Variants in BAZ2B observed in about 807,000 individuals in gnomAD.
The protein encoded by BAZ2B is bromodomain adjacent to zinc finger domain 2B, also known as bromodomain adjacent to zinc finger domain protein 2B.
In BAZ2B, 91 loss-of-function variants were observed where a neutral mutation model predicts 246.0. That is an observed-to-expected ratio of 0.37 (90% CI 0.31 to 0.44). The LOEUF is 0.44. BAZ2B is among the 20% of genes least tolerant of loss of function. BAZ2B has a pLI of 1.00. For synonymous variants in BAZ2B, 855 were observed against 860.0 expected, an observed-to-expected ratio of 0.99 and a Z score of 0.10; for missense variants, 2,332 against 2,533.7, an observed-to-expected ratio of 0.92 and a Z score of 1.71.
At chr2:159,509,350 TTCAAAC>T (rs2082664567) in intron 2 of BAZ2B, among the ~76,000 whole-genome samples, 1 of 152,142 alleles carries the variant, frequency 6.6e-6, no homozygotes, top group South Asian at 2.1e-4. Context: ...GACTAAGAAA[TTCAAAC>T]TCAACGACCA....
chr2:159,438,481 G>T lies in BAZ2B; in HGVS notation c.1115C>A (p.Thr372Asn), dbSNP rs2072818121. The change falls in exon 8 of 37, where the codon ACC (threonine) becomes AAC (asparagine). Residue 372 changes from threonine (T) to asparagine (N), a missense_variant. Thr to Asn is a moderately conservative substitution (Grantham distance 65). Transcript: ENST00000392783. ...CAATCCCGTAGACTGTATTACACTG[G>T]TGTGTTTGTTCACAGATTCCTCCTT... ...QAKEESVNKH[T>N]SVIQSTGLVS... 1 of 1,614,016 alleles carries T rather than the reference G, an allele frequency of 6.2e-7. No homozygotes were observed. Among genetic ancestry groups the T allele is most frequent in the African/African-American group, 1.3e-5 (1 of 74,912 alleles).
chr2:159,473,439 CT>C (rs2078092695), intron 3 of BAZ2B, among the ~76,000 whole-genome samples: 1 of 152,128 alleles, frequency 6.6e-6, no homozygotes, highest in Non-Finnish European at 1.5e-5. Context: ...TTTATTGCAT[CT>C]ATTTGATTCT....
At chr2:159,537,130 T>C (rs971590529) in intron 2 of BAZ2B, among the ~76,000 whole-genome samples, 6 of 152,106 alleles carry the variant, frequency 3.9e-5, no homozygotes, top group Non-Finnish European at 5.9e-5. Flanking sequence ...TTCAAGGACA[T>C]GATACTAAGT....
intron 27 of BAZ2B, among the ~76,000 whole-genome samples, chr2:159,356,262 A>G (rs902059912): frequency 6.6e-6 from 1 of 152,212 alleles, no homozygotes; most frequent in Non-Finnish European, 1.5e-5. Flanking sequence ...CTGCAAGCAC[A>G]GCAGTCTGAA....
intron 18 of BAZ2B, among the ~76,000 whole-genome samples, chr2:159,397,737 C>A (rs1370586973): frequency 6.6e-6 from 1 of 152,158 alleles, no homozygotes; most frequent in African/African-American, 2.4e-5. Context: ...TCAGATATAA[C>A]CCACACATGT....
intron 1 of BAZ2B, among the ~76,000 whole-genome samples, chr2:159,567,324 T>C (rs955389454): frequency 1.3e-5 from 2 of 152,232 alleles, no homozygotes; most frequent in Admixed American, 6.5e-5. Context: ...TTCCTGTTCA[T>C]CAGTGCAGAG....
chr2:159,466,660 A>G (rs891483294), intron 3 of BAZ2B, among the ~76,000 whole-genome samples: 1 of 152,188 alleles, frequency 6.6e-6, no homozygotes, highest in Non-Finnish European at 1.5e-5. Context: ...ATTATATATG[A>G]TTTATTATAA....
chr2:159,457,643 G>A (rs62173207), intron 3 of BAZ2B, among the ~76,000 whole-genome samples: 11,255 of 152,188 alleles, frequency 0.074, 555 homozygotes, highest in Middle Eastern at 0.16. Context: ...TGATCACACA[G>A]AATCCTACCA....
At chr2:159,336,859 T>A (rs2287634) in intron 33 of BAZ2B, 83 bp downstream of exon 33, 340,528 of 1,184,004 alleles carry the variant, frequency 0.29, 54,483 homozygotes, top group East Asian at 0.65. Context: ...CAATAGGTAA[T>A]GTATAATTAA....
chr2:159,476,237 T>A (rs1322579833), intron 3 of BAZ2B, among the ~76,000 whole-genome samples: 1 of 152,036 alleles, frequency 6.6e-6, no homozygotes, highest in East Asian at 1.9e-4. Flanking sequence ...ATTTTAAACA[T>A]GGACTACAAC....
intron 1 of BAZ2B, among the ~76,000 whole-genome samples, chr2:159,603,194 A>C (rs1692585980): frequency 6.6e-6 from 1 of 152,262 alleles, no homozygotes; most frequent in Non-Finnish European, 1.5e-5. Flanking sequence ...TAAATTATGC[A>C]GTCTTTTAAA....
chr2:159,436,132 G>A (rs569488248), intron 8 of BAZ2B, among the ~76,000 whole-genome samples: 3 of 152,170 alleles, frequency 2.0e-5, no homozygotes, highest in African/African-American at 7.2e-5. Context: ...ACATAATTAT[G>A]TCATGTAATA....
At chr2:159,509,539 T>C (rs984535604) in intron 2 of BAZ2B, among the ~76,000 whole-genome samples, 3 of 152,198 alleles carry the variant, frequency 2.0e-5, no homozygotes, top group African/African-American at 7.2e-5. Flanking sequence ...GAAGCCAGTA[T>C]TCATTCAGCC....
chr2:159,692,373 G>T, the BAZ2B span, among the ~76,000 whole-genome samples: 1 of 152,038 alleles, frequency 6.6e-6, no homozygotes, highest in Non-Finnish European at 1.5e-5. Context: ...GGCCAGGCTG[G>T]TCTTGACCTC....
upstream of BAZ2B, among the ~76,000 whole-genome samples, chr2:159,617,332 C>T (rs2151848785): frequency 6.6e-6 from 1 of 152,212 alleles, no homozygotes; most frequent in Admixed American, 6.5e-5. Context: ...AACCCCAATT[C>T]CCAAATCCTG....
At chr2:159,601,537 A>G (rs1466026041) in intron 1 of BAZ2B, among the ~76,000 whole-genome samples, 2 of 152,182 alleles carry the variant, frequency 1.3e-5, no homozygotes, top group Non-Finnish European at 2.9e-5. Flanking sequence ...CCTGGCCAAC[A>G]TGCAGAAACC....
At chr2:159,487,385 G>T (rs2079958358) in intron 2 of BAZ2B, among the ~76,000 whole-genome samples, 1 of 152,090 alleles carries the variant, frequency 6.6e-6, no homozygotes, top group African/African-American at 2.4e-5. Context: ...TTTTTAAAAA[G>T]GTGGTAAACC....
the BAZ2B span, among the ~76,000 whole-genome samples, chr2:159,674,415 A>C: frequency 2.0e-5 from 3 of 151,614 alleles, no homozygotes; most frequent in African/African-American, 7.3e-5. Context: ...AGAAGAAAAG[A>C]AAAGAAAAAA....
intron 16 of BAZ2B, among the ~76,000 whole-genome samples, chr2:159,401,022 G>A (rs1029324938): frequency 7.9e-5 from 12 of 151,680 alleles, no homozygotes; most frequent in African/African-American, 2.7e-4. Flanking sequence ...CAGCCTGGGC[G>A]ACAGAGCGAG....
Sources: allele counts gnomAD v4.1 joint callset (sites outside exome capture counted in the v4.1 genomes callset), GRCh38; gene constraint gnomAD v4.1.1; transcripts MANE v1.5; gene names NCBI Gene and HGNC (gene_info 2026-07-23, HGNC 2026-07-21).